Variants in RAPH1 observed in about 807,000 individuals in gnomAD.
RAPH1 encodes ras-associated and pleckstrin homology domains-containing protein 1.
A neutral mutation model predicts 88.1 loss-of-function variants in RAPH1; 18 were observed. The observed-to-expected ratio is 0.20, with a 90% CI of 0.14 to 0.30. RAPH1 has a LOEUF of 0.30. Among genes scored for constraint, RAPH1 ranks in the 10% least tolerant of loss-of-function variants. The pLI is 1.00. For missense variants in RAPH1, 1,448 were observed against 1,543.2 expected (o/e 0.94, Z 1.03); for synonymous variants, 587 against 559.0 (o/e 1.05, Z -0.71).
At chr2:203,445,253 A>T in intron 12 of RAPH1, 1 of 401,444 alleles carries the variant, frequency 2.5e-6, no homozygotes, top group Non-Finnish European at 4.4e-6. Context: ...TAATTATAAT[A>T]AATGATTCAC....
Position 203,434,040 on chromosome 2 carries a change from A to C in RAPH1, c.*5397T>G, listed in dbSNP as rs200542761. On this transcript the variant is annotated 3_prime_UTR_variant, in exon 14 of 14. Transcript: ENST00000319170. Reference sequence around the variant, plus strand: ...GTAGTACTGAATATATCTCTCTCATATATCTATCTATCTATCTATATATAT... The same window carrying C: ...GTAGTACTGAATATATCTCTCTCATCTATCTATCTATCTATCTATATATAT... 0.027 allele frequency: 3,947 copies of C among 145,292 alleles called. 63 individuals carry two copies. The highest frequency in any genetic ancestry group is 0.039 in the Non-Finnish European group (2,585 of 66,764). 9.0% of individuals were successfully genotyped at this position (145,292 alleles called of 1,614,324 possible). A position where few individuals can be genotyped will look rare whatever the true frequency, so the allele number is the denominator to read the frequency against.
At chr2:203,467,308 AG>A (rs927579840) in intron 4 of RAPH1, among the ~76,000 whole-genome samples, 2 of 152,104 alleles carry the variant, frequency 1.3e-5, no homozygotes, top group Non-Finnish European at 2.9e-5. Context: ...TTCCCTATAC[AG>A]GCTGGGCATG....
intron 1 of RAPH1, among the ~76,000 whole-genome samples, chr2:203,512,341 G>C (rs1176385501): frequency 3.5e-5 from 5 of 143,442 alleles, no homozygotes; most frequent in Admixed American, 2.1e-4. Context: ...GGGTGACAGA[G>C]TGAGACTCTG....
At chr2:203,521,157 G>T (rs1456385812) in intron 1 of RAPH1, among the ~76,000 whole-genome samples, 1 of 152,116 alleles carries the variant, frequency 6.6e-6, no homozygotes, top group Non-Finnish European at 1.5e-5. Context: ...AGGTTCAAGT[G>T]ATTCTCCTGC....
intron 7 of RAPH1, 147 bp from the exon 8 acceptor site, chr2:203,457,742 G>C (rs754200102): frequency 8.8e-6 from 6 of 685,194 alleles, no homozygotes; most frequent in East Asian, 2.5e-5. Context: ...GTATAGAGTA[G>C]AATAAACTTT....
Position 203,439,385 on chromosome 2 carries a change from A to G in RAPH1, c.*52T>C. On this transcript the variant is annotated 3_prime_UTR_variant, in exon 14 of 14. Coordinates refer to ENST00000319170, the MANE Select transcript of RAPH1 (RefSeq NM_213589.3). ...ACCTGAATTCACAGATGATCAGGTG[A>G]GCTGATTGTAGCAGTGATTACAGAT... The G allele has an allele frequency of 7.2e-6, 11 of 1,538,174 alleles. No homozygotes were observed. Among genetic ancestry groups the G allele is most frequent in the Non-Finnish European group, 9.8e-6 (11 of 1,122,706 alleles).
At chr2:203,507,422 G>A (rs142899224) in intron 1 of RAPH1, among the ~76,000 whole-genome samples, 235 of 152,228 alleles carry the variant, frequency 1.5e-3, no homozygotes, top group African/African-American at 5.4e-3. Context: ...AAACTAGTAG[G>A]TGAAAATTTG....
At position 203,448,832 on chromosome 2, in the gene RAPH1, G is replaced by A. The variant is rs749471970; in HGVS notation, c.1418C>T (p.Pro473Leu). 1 of 1,604,092 alleles carries A rather than the reference G, an allele frequency of 6.2e-7. No individual in the cohort carries two copies. Among genetic ancestry groups the A allele is most frequent in the South Asian group, 1.1e-5 (1 of 89,170 alleles). Residue 473 changes from proline to leucine, a missense_variant, in exon 11 of 14, where the codon CCA becomes CTA. Coordinates refer to ENST00000319170, the MANE Select transcript of RAPH1 (RefSeq NM_213589.3). This position sits in a 1 kb window ranked among gnomAD's most constrained non-coding sequence, Gnocchi z 4.1. ...PTDYCLVLKH[P>L]QIQKKSQYIK... ...ATATTGAGATTTCTTCTGGATTTGT[G>A]GATGCTGCAAGATTAAAGACAAAAT... is the stretch of plus-strand genomic sequence containing the variant.
rs1165807545 is a variant in RAPH1 at position 203,459,823 on chromosome 2, T to G, written c.1092+84A>C. The G allele has an allele frequency of 2.2e-6, 3 of 1,382,570 alleles. No homozygotes were observed. The African/African-American group carries it at 4.4e-5, about 20-fold the overall frequency. 85.6% of individuals were successfully genotyped at this position (1,382,570 alleles called of 1,614,324 possible). On this transcript the variant is annotated intron_variant, in intron 7 of 13. Coordinates refer to ENST00000319170, the MANE Select transcript of RAPH1 (RefSeq NM_213589.3). ...ATCGCTCCAACCAGGTGTTTACCAG[T>G]CTTTTAACTCTAACTTAGCAGTAAT...
chr2:203,466,753 GA>G (rs760565790), intron 4 of RAPH1, among the ~76,000 whole-genome samples: 26 of 152,100 alleles, frequency 1.7e-4, no homozygotes, highest in Non-Finnish European at 3.4e-4. Flanking sequence ...ATTTTCTACT[GA>G]AAAACTCCTA....
At position 203,503,256 on chromosome 2, in the gene RAPH1, T is replaced by C. The variant is rs535171184; in HGVS notation, c.1-7903A>G. Among the ~76,000 whole-genome samples the C allele has an allele frequency of 2.2e-4, 33 of 152,346 alleles. No individual in the cohort carries two copies. The South Asian group carries it at 6.2e-3, about 29-fold the overall frequency. On this transcript the variant is annotated intron_variant, in intron 1 of 13. Transcript: ENST00000319170. The stretch of plus-strand genomic sequence containing the variant: ...ATAATATTGGATATTCTTAATCTAT[T>C]AAACCGCAAACAGGAACTCCCCATC...
At chr2:203,444,842 A>C in intron 13 of RAPH1, 26 bp downstream of exon 13, 1 of 1,607,686 alleles carries the variant, frequency 6.2e-7, no homozygotes, top group Non-Finnish European at 8.5e-7. Context: ...CAGAATTTTC[A>C]ATGTAAATTA....
chr2:203,455,495 T>G lies in RAPH1; in HGVS notation c.1244A>C (p.Lys415Thr). ...LKDDGKKSWKKRYFLLRASGI... is the reference protein window; with the variant it reads ...LKDDGKKSWKTRYFLLRASGI... ...AGATGCTCGCAAGAGAAAATAACGC[T>G]TTTTCCAGGACTTCTTGCCATCATC... Residue 415 changes from lysine (K) to threonine (T), a missense_variant, in exon 9 of 14, where the codon AAG (lysine) becomes ACG (threonine). Physicochemically the swap from Lys to Thr is moderately conservative, Grantham distance 78 (BLOSUM62 -1). Transcript: ENST00000319170. The G allele has an allele frequency of 6.2e-7, 1 of 1,613,964 alleles. No homozygotes were observed. Among genetic ancestry groups the G allele is most frequent in the Non-Finnish European group, 8.5e-7 (1 of 1,179,884 alleles).
intron 4 of RAPH1, among the ~76,000 whole-genome samples, chr2:203,487,379 T>A (rs541331488): frequency 6.7e-6 from 1 of 149,168 alleles, no homozygotes; most frequent in Non-Finnish European, 1.5e-5. Context: ...TAGAAATCAG[T>A]TTTTTTTTTC....
At chr2:203,459,665 G>A (rs574389323) in intron 7 of RAPH1, among the ~76,000 whole-genome samples, 2 of 152,028 alleles carry the variant, frequency 1.3e-5, no homozygotes, top group South Asian at 4.1e-4. Context: ...CTTCCAAAAC[G>A]GCTCACCCCA....
chr2:203,525,409 G>A (rs899896917), intron 1 of RAPH1, among the ~76,000 whole-genome samples: 2 of 151,994 alleles, frequency 1.3e-5, no homozygotes, highest in African/African-American at 4.8e-5. Context: ...TTGAACTGCT[G>A]ACCTCAGGCA....
At chr2:203,481,568 AATAT>A (rs60650703) in intron 4 of RAPH1, among the ~76,000 whole-genome samples, 57,288 of 137,862 alleles carry the variant, frequency 0.42, 12,071 homozygotes, top group Middle Eastern at 0.64. Flanking sequence ...TAAATAGATG[AATAT>A]ATATATATAT....
chr2:203,512,526 T>C (rs969663641), intron 1 of RAPH1, among the ~76,000 whole-genome samples: 4 of 152,120 alleles, frequency 2.6e-5, no homozygotes, highest in African/African-American at 7.2e-5. Flanking sequence ...CAGTCAAAAA[T>C]TGCCTTGGGT....
rs371156191 is a variant in RAPH1, at chr2:203,440,120, G to T, written c.3070C>A (p.Pro1024Thr). 37 of 1,613,490 alleles carry T rather than the reference G, an allele frequency of 2.3e-5. No homozygotes were observed. In the African/African-American group the frequency reaches 3.6e-4, roughly 16 times the overall value. ...SKETLPPPAA[P>T]PKPGKLNLSG... is the part of the protein sequence containing the mutation. ...AGATTGAGTTTTCCAGGCTTGGGGG[G>T]TGCTGCAGGAGGTGGTAGGGTCTCC... The change falls in exon 14 of 14, where the codon CCC (proline) becomes ACC (threonine). Residue 1024 changes from proline (P) to threonine (T), a missense_variant. Transcript: ENST00000319170.
Sources: allele counts gnomAD v4.1 joint callset (sites outside exome capture counted in the v4.1 genomes callset), GRCh38; gene constraint gnomAD v4.1.1; non-coding constraint Gnocchi (gnomAD v3.1); transcripts MANE v1.5; gene names NCBI Gene and HGNC (gene_info 2026-07-23, HGNC 2026-07-21).